The following POU1F1 variants were observed in gnomAD, a reference collection of about 807,000 sequenced individuals.
POU1F1 encodes pituitary-specific positive transcription factor 1.
A neutral mutation model predicts 32.3 loss-of-function variants in POU1F1; 23 were observed. That is an observed-to-expected ratio of 0.71 (90% confidence interval 0.51 to 1.01). The LOEUF is 1.01. POU1F1 is among the 50% of genes least tolerant of loss of function. The pLI, the probability that POU1F1 is intolerant of heterozygous loss-of-function variation, is 0.00. For missense variants in POU1F1, 323 were observed against 341.6 expected (o/e 0.95, Z 0.43); for synonymous variants, 120 against 115.6 (o/e 1.04, Z -0.25).
intron 1 of POU1F1, among the ~76,000 whole-genome samples, chr3:87,273,762 C>G (rs929561958): frequency 6.6e-6 from 1 of 152,076 alleles, no homozygotes; most frequent in Admixed American, 6.6e-5. Context: ...AGACCTTGGC[C>G]CTTTGGGAGT....
At chr3:87,261,921 T>C in intron 4 of POU1F1, 150 bp downstream of exon 4, 1 of 874,118 alleles carries the variant, frequency 1.1e-6, no homozygotes, top group Admixed American at 2.2e-5. Context: ...TTTGTTTTAG[T>C]GTGATATAAC....
At chr3:87,273,810 GC>G (rs1348333518) in intron 1 of POU1F1, among the ~76,000 whole-genome samples, 2 of 152,120 alleles carry the variant, frequency 1.3e-5, no homozygotes, top group Non-Finnish European at 2.9e-5. Flanking sequence ...TGCAGACATT[GC>G]AACTCGCCGA....
At chr3:87,264,060 G>C (rs528295438) in intron 3 of POU1F1, among the ~76,000 whole-genome samples, 5 of 151,974 alleles carry the variant, frequency 3.3e-5, no homozygotes, top group Admixed American at 6.6e-5. Flanking sequence ...CTAATGTTGA[G>C]GTAAGTTTTG....
chr3:87,264,276 A>G lies in POU1F1; in HGVS notation c.439+12T>C, dbSNP rs780655005. ...CAAGTTCTTTTTCCTGTTGCCTTTA[A>G]CAAGCACATACCTAATTTAATTCGT... is the stretch of plus-strand genomic sequence containing the variant. On this transcript the variant is annotated intron_variant, in intron 3 of 5. Coordinates refer to ENST00000350375, the MANE Select transcript of POU1F1 (RefSeq NM_000306.4). 3 of 1,597,524 alleles carry G rather than the reference A, an allele frequency of 1.9e-6. No homozygotes were observed. In the South Asian group the frequency reaches 3.3e-5, roughly 18 times the overall value.
intron 3 of POU1F1, among the ~76,000 whole-genome samples, chr3:87,263,513 C>T (rs1028934523): frequency 1.2e-4 from 18 of 152,084 alleles, no homozygotes; most frequent in East Asian, 3.9e-4. Flanking sequence ...AAAAGATTCT[C>T]ATGGTAGTAG....
At chr3:87,270,953 C>T (rs1706710605) in intron 2 of POU1F1, among the ~76,000 whole-genome samples, 1 of 151,960 alleles carries the variant, frequency 6.6e-6, no homozygotes, top group South Asian at 2.1e-4. Flanking sequence ...CACATTTTAA[C>T]AAAATTTTTG....
chr3:87,268,149 G>T (rs952231027), intron 2 of POU1F1, among the ~76,000 whole-genome samples: 1 of 145,780 alleles, frequency 6.9e-6, no homozygotes, highest in African/African-American at 2.5e-5. Flanking sequence ...AGTGCTCTCG[G>T]CTCACTGAAA....
Position 87,276,398 on chromosome 3 carries a change from G to T in POU1F1, c.65C>A (p.Thr22Asn). The part of the protein sequence containing the change: ...FIPLNSDASA[T>N]LPLIMHHSAA... Reference sequence around the variant, plus strand: ...ACTGTGATGCATTATCAGAGGCAGAGTTGCAGAGGCGTCAGAATTCAGAGG... The same window carrying T: ...ACTGTGATGCATTATCAGAGGCAGATTTGCAGAGGCGTCAGAATTCAGAGG... The change falls in exon 1 of 6, where the codon ACT becomes AAT. Residue 22 changes from threonine (T) to asparagine (N), a missense_variant. Transcript: ENST00000350375. 1 of 1,613,988 alleles carries T rather than the reference G, an allele frequency of 6.2e-7. No homozygotes were observed. The highest frequency in any genetic ancestry group is 8.5e-7 in the Non-Finnish European group (1 of 1,179,942).
chr3:87,275,824 CTA>C lies in POU1F1; in HGVS notation c.142+495_142+496del, dbSNP rs138633952. On this transcript the variant is annotated intron_variant, in intron 1 of 5. Transcript: ENST00000350375. ...ATGCTAAAATATGTTAATTAAAACT[CTA>C]TTTTATTCTATGAAATCCATTGTTG... Among the ~76,000 whole-genome samples the C allele has an allele frequency of 4.6e-3, 695 of 152,062 alleles. 33 individuals are homozygous for C. The East Asian group carries it at 0.12, about 26-fold the overall frequency.
chr3:87,268,465 C>A (rs1334316695), intron 2 of POU1F1, among the ~76,000 whole-genome samples: 1 of 152,012 alleles, frequency 6.6e-6, no homozygotes, highest in African/African-American at 2.4e-5. Context: ...CACAGATTTC[C>A]TGGAACTAAC....
Position 87,276,548 on chromosome 3 carries a change from A to G in POU1F1, c.-86T>C, listed in dbSNP as rs547104320. 2.0e-5 allele frequency: 30 copies of G among 1,467,476 alleles called. No individual in the cohort carries two copies. The East Asian group carries it at 6.5e-4, about 32-fold the overall frequency. 90.9% of individuals were successfully genotyped at this position (1,467,476 alleles called of 1,614,324 possible). A position where few individuals can be genotyped will look rare whatever the true frequency, so the allele number is the denominator to read the frequency against. Reference sequence around the variant, plus strand: ...ATTACTGTCTCAAAGGGCCGATTCAATTCTCACTACCTGCATATATACATC... The same window carrying G: ...ATTACTGTCTCAAAGGGCCGATTCAGTTCTCACTACCTGCATATATACATC... On this transcript the variant is annotated 5_prime_UTR_variant, in exon 1 of 6. Coordinates refer to ENST00000350375, the MANE Select transcript of POU1F1 (RefSeq NM_000306.4).
At position 87,259,969 on chromosome 3, in the gene POU1F1, C is replaced by T. The variant is rs756263733; in HGVS notation, c.801G>A (p.Gln267=). ...VVRVWFCNRR[Q]REKRVKTSLN... ...GACTTGTTTTCACCCGTTTTTCTCT[C>T]TGCCTCCGGTTGCAAAACCAAACTC... Residue 267 remains glutamine, a synonymous_variant, in exon 6 of 6, where the codon CAG becomes CAA. Transcript: ENST00000350375. The T allele has an allele frequency of 1.1e-5, 17 of 1,614,144 alleles. No individual in the cohort carries two copies. Among genetic ancestry groups the T allele is most frequent in the Non-Finnish European group, 1.4e-5 (17 of 1,180,024 alleles).
chr3:87,266,220 T>A (rs1012309838), intron 2 of POU1F1, among the ~76,000 whole-genome samples: 14 of 146,448 alleles, frequency 9.6e-5, no homozygotes, highest in Non-Finnish European at 1.8e-4. Flanking sequence ...TGTAGTTATT[T>A]ATTTAATTTA....
intron 2 of POU1F1, among the ~76,000 whole-genome samples, chr3:87,264,886 G>T (rs1706587814): frequency 6.6e-6 from 1 of 152,054 alleles, no homozygotes; most frequent in African/African-American, 2.4e-5. Flanking sequence ...TCTATGCATT[G>T]AACTCTGTTT....
chr3:87,260,246 T>A, intron 5 of POU1F1, 142 bp from the exon 6 acceptor site: 1 of 674,724 alleles, frequency 1.5e-6, no homozygotes, highest in Non-Finnish European at 2.6e-6. Context: ...GCAGGACACT[T>A]TAACAAGGAC....
In POU1F1 at chr3:87,264,284, A is replaced by G. The variant is rs199746697; in HGVS notation, c.439+4T>C. ...TTTTCCTGTTGCCTTTAACAAGCAC[A>G]TACCTAATTTAATTCGTCTCACTTT... On this transcript the variant is annotated splice_donor_region_variant and intron_variant, in intron 3 of 5. Transcript: ENST00000350375. 7.6e-5 allele frequency: 122 copies of G among 1,603,660 alleles called. No homozygotes were observed. The highest frequency in any genetic ancestry group is 1.7e-4 in the Middle Eastern group (1 of 6,052).
At chr3:87,271,188 G>A (rs1341181680) in intron 2 of POU1F1, among the ~76,000 whole-genome samples, 1 of 152,066 alleles carries the variant, frequency 6.6e-6, no homozygotes, top group Non-Finnish European at 1.5e-5. Context: ...GAAGAGGTTC[G>A]TGGAAGAGGG....
At chr3:87,262,753 G>A (rs974579856) in intron 3 of POU1F1, among the ~76,000 whole-genome samples, 8 of 151,956 alleles carry the variant, frequency 5.3e-5, no homozygotes, top group African/African-American at 1.9e-4. Context: ...TTATTAAGAG[G>A]CTATGATTAC....
intron 3 of POU1F1, among the ~76,000 whole-genome samples, chr3:87,262,557 C>CT (rs975083060): frequency 2.2e-4 from 33 of 151,944 alleles, no homozygotes; most frequent in African/African-American, 5.3e-4. Context: ...AAAATTATGG[C>CT]TTTTTTATCA....
Sources: gnomAD v4.1 joint callset for allele counts (sites outside exome capture counted in the v4.1 genomes callset) on GRCh38, gnomAD v4.1.1 for gene constraint, MANE v1.5 for transcripts, NCBI Gene and HGNC (gene_info 2026-07-23, HGNC 2026-07-21) for gene names.